Variants in ZFAND5 observed in about 807,000 individuals in gnomAD.
ZFAND5 encodes the protein zinc finger AN1-type containing 5.
A neutral mutation model predicts 23.6 loss-of-function variants in ZFAND5; 4 were observed. The ratio of observed to expected loss-of-function variants is 0.17; its 90% confidence interval spans 0.08 to 0.39. The LOEUF is 0.39. Ranked by LOEUF, ZFAND5 falls within the 10% of genes least tolerant of loss-of-function variation. ZFAND5 has a pLI of 1.00. For synonymous variants in ZFAND5, 68 were observed against 80.6 expected (o/e 0.84, Z 0.84); for missense variants, 161 against 253.7 (o/e 0.63, Z 2.48).
At chr9:72,359,573 G>A in intron 4 of ZFAND5, 52 bp from the exon 5 acceptor site, 3 of 1,491,492 alleles carry the variant, frequency 2.0e-6, no homozygotes, top group South Asian at 1.2e-5. Flanking sequence ...TACTTCTTGA[G>A]ACAATGAATA....
Position 72,360,800 on chromosome 9 carries a change from C to T in ZFAND5, c.-9-13G>A, listed in dbSNP as rs1842074173. On this transcript the variant is annotated splice_polypyrimidine_tract_variant and intron_variant, in intron 2 of 6. Coordinates refer to ENST00000376962, the MANE Select transcript of ZFAND5 (RefSeq NM_001102420.3). ...CCATATTTTTCTGCTATAGATGAAA[C>T]GAAATTTCAGAAATTAGTGTTATCA... The T allele has an allele frequency of 7.7e-6, 12 of 1,566,858 alleles. No homozygotes were observed. Among genetic ancestry groups the T allele is most frequent in the Non-Finnish European group, 8.7e-6 (10 of 1,153,936 alleles).
rs1196563441 is a variant in ZFAND5 at position 72,353,880 on chromosome 9, A to G, written c.*2073T>C. 1.3e-5 allele frequency: 2 copies of G among 152,182 alleles called. No homozygotes were observed. Among genetic ancestry groups the G allele is most frequent in the Non-Finnish European group, 2.9e-5 (2 of 68,026 alleles). 9.4% of individuals were successfully genotyped at this position (152,182 alleles called of 1,614,324 possible). On this transcript the variant is annotated 3_prime_UTR_variant, in exon 7 of 7. Coordinates refer to ENST00000376962, the MANE Select transcript of ZFAND5 (RefSeq NM_001102420.3). ...CTTTGACATACATATGTACCTCCCT[A>G]ACTTGAAGCAAAAGTAGCAGCATGC... is the stretch of plus-strand genomic sequence containing the variant.
At chr9:72,362,380 T>C (rs965307102) in intron 2 of ZFAND5, among the ~76,000 whole-genome samples, 3 of 152,226 alleles carry the variant, frequency 2.0e-5, no homozygotes, top group Non-Finnish European at 2.9e-5. Context: ...GTGTGAATGT[T>C]TGCCCTATGC....
rs1429319555 is a variant in ZFAND5 at position 72,352,861 on chromosome 9, G to A, written c.*3092C>T. 6.6e-6 allele frequency: 1 copy of A among 152,242 alleles called. No individual in the cohort carries two copies. Among genetic ancestry groups the A allele is most frequent in the African/African-American group, 2.4e-5 (1 of 41,464 alleles). The allele number at this position is 152,242 out of a possible 1,614,324, so 9.4% of individuals were successfully genotyped here. Reference sequence around the variant, plus strand: ...AGGTGGTTGCTGTCTTCATTTAAGAGATGAAGCAGTCCAAAGTGGACCTAA... The same window carrying A: ...AGGTGGTTGCTGTCTTCATTTAAGAAATGAAGCAGTCCAAAGTGGACCTAA... On this transcript the variant is annotated 3_prime_UTR_variant, in exon 7 of 7. Transcript: ENST00000376962.
intron 2 of ZFAND5, among the ~76,000 whole-genome samples, chr9:72,362,610 C>T (rs1391386212): frequency 3.3e-5 from 5 of 152,124 alleles, no homozygotes; most frequent in African/African-American, 1.2e-4. Context: ...CAAAGTATTC[C>T]AACTTTGCTT....
intron 2 of ZFAND5, among the ~76,000 whole-genome samples, chr9:72,361,937 A>G (rs185447136): frequency 8.7e-4 from 133 of 152,338 alleles, no homozygotes; most frequent in Non-Finnish European, 1.8e-3. Context: ...ACTAGAATAC[A>G]CTTTTTAGTG....
intron 1 of ZFAND5, chr9:72,363,889 C>T (rs2735265): frequency 0.98 from 151,063 of 153,912 alleles, 74,196 homozygotes; most frequent in Middle Eastern, 1. Context: ...TTAGGAGACA[C>T]TCAATCAATA....
chr9:72,364,537 T>A (rs1325526987), intron 1 of ZFAND5, 159 bp downstream of exon 1: 1 of 1,278,724 alleles, frequency 7.8e-7, no homozygotes, highest in East Asian at 6.8e-5. Context: ...TCCGTCTTTG[T>A]GCTTCCTGGG....
intron 3 of ZFAND5, 166 bp downstream of exon 3, chr9:72,360,458 TAGTC>T (rs1842066776): frequency 3.2e-6 from 3 of 929,982 alleles, no homozygotes; most frequent in Non-Finnish European, 4.9e-6. Flanking sequence ...TGCTTGTAGA[TAGTC>T]ATTCATTCCT....
intron 2 of ZFAND5, among the ~76,000 whole-genome samples, chr9:72,362,300 T>A (rs1842128025): frequency 6.6e-6 from 1 of 152,192 alleles, no homozygotes; most frequent in African/African-American, 2.4e-5. Flanking sequence ...TAAATGAGCA[T>A]AATAGGAGCA....
Position 72,359,479 on chromosome 9 carries a change from T to C in ZFAND5, c.306A>G (p.Thr102=). The change falls in exon 5 of 7, where the codon ACA becomes ACG. Residue 102 remains threonine (T), a synonymous_variant. Coordinates refer to ENST00000376962, the MANE Select transcript of ZFAND5 (RefSeq NM_001102420.3). ...TGTCCTCTCTTGAAATGCTCATTTC[T>C]GTCATTTGCTGAGTTACAGGCAAGG... ...VAALPVTQQM[T]EMSISREDKI... is the part of the protein sequence containing the mutation. The C allele has an allele frequency of 6.2e-7, 1 of 1,613,774 alleles. No individual in the cohort carries two copies. Among genetic ancestry groups the C allele is most frequent in the South Asian group, 1.1e-5 (1 of 91,056 alleles).
At chr9:72,361,271 A>T (rs548984866) in intron 2 of ZFAND5, among the ~76,000 whole-genome samples, 4 of 152,226 alleles carry the variant, frequency 2.6e-5, no homozygotes, top group Non-Finnish European at 5.9e-5. Flanking sequence ...CTTCATCAGT[A>T]ATTTGACAAA....
chr9:72,354,842 G>C lies in ZFAND5; in HGVS notation c.*1111C>G, dbSNP rs1257933667. The C allele has an allele frequency of 1.3e-5, 2 of 152,538 alleles. No homozygotes were observed. Among genetic ancestry groups the C allele is most frequent in the Non-Finnish European group, 2.9e-5 (2 of 68,018 alleles). The allele number at this position is 152,538 out of a possible 1,614,324, so 9.4% of individuals were successfully genotyped here. On this transcript the variant is annotated 3_prime_UTR_variant, in exon 7 of 7. Coordinates refer to ENST00000376962, the MANE Select transcript of ZFAND5 (RefSeq NM_001102420.3). ...TCAGTGAAGTATACTGCCTTTTCTA[G>C]TTGTTATTGTACAATGCTGTAGATA...
chr9:72,361,844 T>C (rs899594738), intron 2 of ZFAND5, among the ~76,000 whole-genome samples: 3 of 152,242 alleles, frequency 2.0e-5, no homozygotes, highest in Non-Finnish European at 4.4e-5. Flanking sequence ...TAAGCATATG[T>C]ACAAAAAGCA....
In ZFAND5 at chr9:72,354,259, G is replaced by A. The variant is rs925938932; in HGVS notation, c.*1694C>T. ...TTTTAAAATTGTTTTAATCCCAAAGGTGCCTATTGAATTCTTCAAAAATAA... is the reference window on the plus strand; with the variant it reads ...TTTTAAAATTGTTTTAATCCCAAAGATGCCTATTGAATTCTTCAAAAATAA... On this transcript the variant is annotated 3_prime_UTR_variant, in exon 7 of 7. Coordinates refer to ENST00000376962, the MANE Select transcript of ZFAND5 (RefSeq NM_001102420.3). The A allele has an allele frequency of 6.6e-6, 1 of 152,044 alleles. No homozygotes were observed. Among genetic ancestry groups the A allele is most frequent in the African/African-American group, 2.4e-5 (1 of 41,378 alleles). 9.4% of individuals were successfully genotyped at this position (152,044 alleles called of 1,614,324 possible).
In ZFAND5 at chr9:72,363,295, T is replaced by C. The variant is rs952656513; in HGVS notation, c.-10+175A>G. 4.6e-5 allele frequency among the ~76,000 whole-genome samples: 7 copies of C among 152,208 alleles called. No individual in the cohort carries two copies. The South Asian group carries it at 1.2e-3, about 27-fold the overall frequency. On this transcript the variant is annotated intron_variant, in intron 2 of 6. Transcript: ENST00000376962. ...ACGTGTCAGCTCTATCAGGTATAGC[T>C]AGAATGCAGATTTTATAAAGTTTAT... is the stretch of plus-strand genomic sequence containing the variant.
At chr9:72,357,990 A>G (rs1289936003) in intron 5 of ZFAND5, among the ~76,000 whole-genome samples, 1 of 152,122 alleles carries the variant, frequency 6.6e-6, no homozygotes, top group Non-Finnish European at 1.5e-5. Flanking sequence ...GAAACACTAT[A>G]AACTCAGGTT....
chr9:72,360,856 T>TA, intron 2 of ZFAND5, 69 bp from the exon 3 acceptor site: 1 of 1,408,446 alleles, frequency 7.1e-7, no homozygotes, highest in Admixed American at 2.5e-5. Context: ...ATCATCGGTA[T>TA]ACCGTTGTAA....
At chr9:72,358,274 G>C (rs1178021656) in intron 5 of ZFAND5, among the ~76,000 whole-genome samples, 1 of 152,102 alleles carries the variant, frequency 6.6e-6, no homozygotes, top group Non-Finnish European at 1.5e-5. Context: ...CTGATGTCAT[G>C]AGGATAAAGA....
Sources: gnomAD v4.1 joint callset for allele counts (sites outside exome capture counted in the v4.1 genomes callset) on GRCh38, gnomAD v4.1.1 for gene constraint, MANE v1.5 for transcripts, NCBI Gene and HGNC (gene_info 2026-07-23, HGNC 2026-07-21) for gene names.